Variants in C12orf42 observed in about 807,000 individuals in gnomAD.
C12orf42 encodes uncharacterized protein C12orf42.
Under a neutral mutation model 21.6 loss-of-function variants are expected in C12orf42, and 25 were observed. The ratio of observed to expected loss-of-function variants is 1.16; its 90% CI spans 0.84 to 1.62. The LOEUF is 1.62. Among genes scored for constraint, C12orf42 ranks in the 40% most tolerant of loss-of-function variants. The probability of loss-of-function intolerance (pLI) is 0.00; values close to 1 mark genes in which losing one functional copy is unlikely to be tolerated. For synonymous variants in C12orf42, 174 were observed against 175.0 expected (o/e 0.99, Z 0.05); for missense variants, 483 against 459.3 (o/e 1.05, Z -0.47).
At chr12:103,294,432 A>AAGGAG (rs1251435521) in intron 4 of C12orf42, among the ~76,000 whole-genome samples, 221 of 86,168 alleles carry the variant, frequency 2.6e-3, no homozygotes, top group Middle Eastern at 0.017. Context: ...GAGAGAGAGA[A>AAGGAG]AGAAAGAAAG....
chr12:103,515,852 G>A, the C12orf42 span, among the ~76,000 whole-genome samples: 1 of 152,174 alleles, frequency 6.6e-6, no homozygotes, highest in African/African-American at 2.4e-5. Flanking sequence ...GGCTATTAAT[G>A]TCCATTTTAT....
chr12:103,527,876 T>C, the C12orf42 span, among the ~76,000 whole-genome samples: 1 of 152,360 alleles, frequency 6.6e-6, no homozygotes, highest in East Asian at 1.9e-4. Flanking sequence ...CTCTGTTCTT[T>C]AACTTTTAAA....
chr12:103,376,037 C>T (rs1376475894), intron 3 of C12orf42, among the ~76,000 whole-genome samples: 2 of 152,108 alleles, frequency 1.3e-5, no homozygotes, highest in Admixed American at 6.6e-5. Flanking sequence ...CCATATATTG[C>T]CTCAAGTTAG....
chr12:103,230,640 G>A, the C12orf42 span, among the ~76,000 whole-genome samples: 5 of 152,124 alleles, frequency 3.3e-5, no homozygotes, highest in Admixed American at 6.6e-5. Context: ...CACTACCACT[G>A]GAGAACAATG....
the C12orf42 span, among the ~76,000 whole-genome samples, chr12:103,131,526 C>T: frequency 5.5e-3 from 841 of 152,288 alleles, 8 homozygotes; most frequent in South Asian, 0.027. Context: ...ATAGAATCAT[C>T]TGTAGTTGAG....
At chr12:103,443,352 C>T (rs1951377613) in intron 2 of C12orf42, among the ~76,000 whole-genome samples, 1 of 151,984 alleles carries the variant, frequency 6.6e-6, no homozygotes, top group Non-Finnish European at 1.5e-5. Context: ...ATCCAGTGAC[C>T]TTCTAAGCCT....
chr12:103,523,078 C>T, the C12orf42 span, among the ~76,000 whole-genome samples: 2 of 152,184 alleles, frequency 1.3e-5, no homozygotes, highest in Non-Finnish European at 2.9e-5. Flanking sequence ...GCAGCAAGGC[C>T]ATCTGCTACA....
At chr12:103,081,348 C>T in the C12orf42 span, 2 of 152,166 alleles carry the variant, frequency 1.3e-5, no homozygotes, top group Non-Finnish European at 2.9e-5. Context: ...TCCTGAGTTA[C>T]TCTTATCTGA....
chr12:103,128,736 C>T, the C12orf42 span, among the ~76,000 whole-genome samples: 1 of 152,122 alleles, frequency 6.6e-6, no homozygotes, highest in African/African-American at 2.4e-5. Context: ...TCATCATCAT[C>T]ATTGTCATTA....
the C12orf42 span, among the ~76,000 whole-genome samples, chr12:103,537,382 G>A: frequency 6.6e-6 from 1 of 151,658 alleles, no homozygotes; most frequent in East Asian, 1.9e-4. Context: ...CATATTCCAT[G>A]GAAGAAAGAG....
chr12:103,115,828 G>C, the C12orf42 span, among the ~76,000 whole-genome samples: 7 of 152,190 alleles, frequency 4.6e-5, no homozygotes, highest in Non-Finnish European at 8.8e-5. Context: ...CATGAAAACA[G>C]TGATGGGTTT....
chr12:103,054,201 A>T, the C12orf42 span, among the ~76,000 whole-genome samples: 8 of 151,868 alleles, frequency 5.3e-5, no homozygotes, highest in Admixed American at 3.9e-4. Flanking sequence ...CACAATGTTA[A>T]GTCTTTCAAT....
chr12:103,059,273 C>G, the C12orf42 span, among the ~76,000 whole-genome samples: 11 of 152,192 alleles, frequency 7.2e-5, no homozygotes, highest in South Asian at 2.3e-3. Flanking sequence ...CAAGACTGAA[C>G]CAGGAAGAAG....
the C12orf42 span, among the ~76,000 whole-genome samples, chr12:103,502,569 T>C: frequency 6.6e-6 from 1 of 152,110 alleles, no homozygotes; most frequent in East Asian, 1.9e-4. Flanking sequence ...ACCTACACCT[T>C]GGTAACATTC....
chr12:103,087,480 A>G, the C12orf42 span, among the ~76,000 whole-genome samples: 1 of 152,226 alleles, frequency 6.6e-6, no homozygotes, highest in Admixed American at 6.5e-5. Flanking sequence ...GGCAAGTTCA[A>G]GGTTTGAAAT....
intron 2 of C12orf42, among the ~76,000 whole-genome samples, chr12:103,468,291 G>A (rs1953300092): frequency 6.6e-6 from 1 of 152,188 alleles, no homozygotes; most frequent in South Asian, 2.1e-4. Context: ...AAGAGGAATT[G>A]ATGTACATAG....
chr12:103,323,235 G>C (rs575567486), intron 4 of C12orf42, among the ~76,000 whole-genome samples: 2 of 152,294 alleles, frequency 1.3e-5, no homozygotes, highest in South Asian at 2.1e-4. Flanking sequence ...AACTCCTGAA[G>C]CGGATTTCTA....
intron 2 of C12orf42, among the ~76,000 whole-genome samples, chr12:103,452,082 C>T (rs909199206): frequency 6.6e-6 from 1 of 151,860 alleles, no homozygotes; most frequent in African/African-American, 2.4e-5. Context: ...CTTATCCAAG[C>T]TCACTGATAG....
intron 5 of C12orf42, among the ~76,000 whole-genome samples, chr12:103,303,431 T>C (rs2037948367): frequency 1.3e-5 from 2 of 152,200 alleles, no homozygotes; most frequent in African/African-American, 4.8e-5. Context: ...AATTCTTCAG[T>C]AGTGACTTAA....
Sources: allele counts gnomAD v4.1 joint callset (sites outside exome capture counted in the v4.1 genomes callset), GRCh38; gene constraint gnomAD v4.1.1; transcripts MANE v1.5; gene names NCBI Gene and HGNC (gene_info 2026-07-23, HGNC 2026-07-21).